CNTLN: variants seen among roughly 807,000 people sequenced by gnomAD.
The protein encoded by CNTLN is centlein.
Under a neutral mutation model 180.0 loss-of-function variants are expected in CNTLN, and 212 were observed. The observed-to-expected ratio is 1.18, with a 90% CI of 1.05 to 1.32. The LOEUF is 1.32. CNTLN is among the 40% of genes most tolerant of loss of function. CNTLN has a pLI of 0.00. For synonymous variants in CNTLN, 722 were observed against 563.1 expected, an observed-to-expected ratio of 1.28 and a Z score of -3.99; for missense variants, 2,095 against 1,610.9, an observed-to-expected ratio of 1.30 and a Z score of -5.14.
At chr9:17,232,335 A>T (rs7855555) in intron 3 of CNTLN, among the ~76,000 whole-genome samples, 22,994 of 151,860 alleles carry the variant, frequency 0.15, 3,115 homozygotes, top group East Asian at 0.42. Flanking sequence ...CCAATTTTTT[A>T]AATTTTATTA....
intron 7 of CNTLN, chr9:17,298,890 C>A: frequency 1.0e-6 from 1 of 985,186 alleles, no homozygotes. Flanking sequence ...GAAGGTTTAC[C>A]CAAGTATTTA....
At chr9:17,270,020 T>A (rs867395519) in intron 5 of CNTLN, among the ~76,000 whole-genome samples, 24 of 152,304 alleles carry the variant, frequency 1.6e-4, no homozygotes, top group Admixed American at 3.3e-4. Flanking sequence ...CTTGCTCAAC[T>A]CTAGCTCTAA....
At chr9:17,332,050 T>G (rs968094341) in intron 9 of CNTLN, among the ~76,000 whole-genome samples, 1 of 152,100 alleles carries the variant, frequency 6.6e-6, no homozygotes, top group Non-Finnish European at 1.5e-5. Context: ...CAGATTGGTA[T>G]ATGAAGCTGT....
Position 17,320,234 on chromosome 9 carries a change from T to C in CNTLN, c.1342-10398T>C, listed in dbSNP as rs1048165675. On this transcript the variant is annotated intron_variant, in intron 8 of 25. Coordinates refer to ENST00000380647, the MANE Select transcript of CNTLN (RefSeq NM_017738.4). Reference sequence around the variant, plus strand: ...TGCTTTCCTCAATTGAAGAGAATTTTCTTTAGCTGTTTTCCCTTATGTTCT... The same window carrying C: ...TGCTTTCCTCAATTGAAGAGAATTTCCTTTAGCTGTTTTCCCTTATGTTCT... 2.0e-5 allele frequency among the ~76,000 whole-genome samples: 3 copies of C among 152,202 alleles called. No homozygotes were observed. The East Asian group carries it at 5.8e-4, about 29-fold the overall frequency.
chr9:17,360,580 G>A (rs1167315200), intron 12 of CNTLN, among the ~76,000 whole-genome samples: 1 of 152,136 alleles, frequency 6.6e-6, no homozygotes, highest in Non-Finnish European at 1.5e-5. Flanking sequence ...CTGACTTAGT[G>A]GAGTTCCTTG....
chr9:17,456,313 A>G (rs1831110653), intron 18 of CNTLN, among the ~76,000 whole-genome samples: 1 of 152,142 alleles, frequency 6.6e-6, no homozygotes, highest in Non-Finnish European at 1.5e-5. Flanking sequence ...TTCATAAACA[A>G]TTTCCTAAAA....
intron 23 of CNTLN, among the ~76,000 whole-genome samples, chr9:17,480,284 A>G (rs1042680456): frequency 6.6e-6 from 1 of 152,180 alleles, no homozygotes; most frequent in Non-Finnish European, 1.5e-5. Flanking sequence ...TTACCAGCAC[A>G]CAACTAAATA....
intron 2 of CNTLN, among the ~76,000 whole-genome samples, chr9:17,145,132 C>T (rs1818368356): frequency 6.7e-6 from 1 of 150,104 alleles, no homozygotes; most frequent in South Asian, 2.1e-4. Context: ...TGAGCCACCG[C>T]ACCCGGCCTG....
At chr9:17,514,016 G>T in the CNTLN span, among the ~76,000 whole-genome samples, 33,931 of 151,896 alleles carry the variant, frequency 0.22, 4,228 homozygotes, top group African/African-American at 0.32. Flanking sequence ...TTAAGAAGTG[G>T]TAGAAAGTCA....
At chr9:17,344,636 A>G (rs970580832) in intron 12 of CNTLN, among the ~76,000 whole-genome samples, 6 of 152,200 alleles carry the variant, frequency 3.9e-5, no homozygotes, top group African/African-American at 7.2e-5. Flanking sequence ...GATGTTAAAA[A>G]TAAATGTCAA....
the CNTLN span, among the ~76,000 whole-genome samples, chr9:17,517,914 C>T: frequency 2.6e-5 from 4 of 151,870 alleles, no homozygotes; most frequent in African/African-American, 7.2e-5. Context: ...TCAGGCCTTC[C>T]GACTCTGTGC....
At chr9:17,308,233 C>G (rs943549804) in intron 7 of CNTLN, among the ~76,000 whole-genome samples, 9 of 143,226 alleles carry the variant, frequency 6.3e-5, no homozygotes, top group Non-Finnish European at 1.2e-4. Context: ...TTTTAATAAA[C>G]TTAAATTTAT....
At chr9:17,349,192 T>C (rs1822166720) in intron 12 of CNTLN, among the ~76,000 whole-genome samples, 1 of 152,174 alleles carries the variant, frequency 6.6e-6, no homozygotes, top group African/African-American at 2.4e-5. Context: ...TGTTTTATTA[T>C]GTTCTGGGTT....
chr9:17,374,861 A>C (rs1013179201), intron 13 of CNTLN, among the ~76,000 whole-genome samples: 4 of 151,282 alleles, frequency 2.6e-5, no homozygotes, highest in African/African-American at 7.3e-5. Context: ...ACTCCATCTC[A>C]GGAAAAAAAA....
intron 2 of CNTLN, among the ~76,000 whole-genome samples, chr9:17,173,637 T>G (rs1355365858): frequency 2.6e-5 from 4 of 152,052 alleles, no homozygotes; most frequent in African/African-American, 9.7e-5. Flanking sequence ...AGTAATTAAG[T>G]CAGAAATTTG....
intron 2 of CNTLN, among the ~76,000 whole-genome samples, chr9:17,217,075 A>G (rs1040654904): frequency 6.6e-6 from 1 of 152,268 alleles, no homozygotes; most frequent in Admixed American, 6.5e-5. Context: ...TGCAATAAAC[A>G]TGAAGAATCA....
chr9:17,334,460 A>C (rs1820863747), intron 10 of CNTLN, among the ~76,000 whole-genome samples: 1 of 151,846 alleles, frequency 6.6e-6, no homozygotes, highest in African/African-American at 2.4e-5. Context: ...ACAATTATTT[A>C]CTATATTTAT....
chr9:17,458,910 G>T (rs568446543), intron 19 of CNTLN, among the ~76,000 whole-genome samples: 11 of 151,862 alleles, frequency 7.2e-5, no homozygotes, highest in African/African-American at 2.7e-4. Flanking sequence ...CTGAAAATGT[G>T]GGATAAAATG....
At chr9:17,298,646 G>T (rs925819834) in intron 7 of CNTLN, 15 of 1,036,606 alleles carry the variant, frequency 1.4e-5, no homozygotes, top group Non-Finnish European at 1.7e-5. Flanking sequence ...TAGGAGTATA[G>T]TCTCAAAACT....
Sources: gnomAD v4.1 joint callset for allele counts (sites outside exome capture counted in the v4.1 genomes callset) on GRCh38, gnomAD v4.1.1 for gene constraint, MANE v1.5 for transcripts, NCBI Gene and HGNC (gene_info 2026-07-23, HGNC 2026-07-21) for gene names.